Variants in TIAM2 observed in about 807,000 individuals in gnomAD.
The protein encoded by TIAM2 is rho guanine nucleotide exchange factor TIAM2.
TIAM2 carries 80 observed loss-of-function variants against 152.9 expected under a neutral mutation model. The observed-to-expected ratio is 0.52, with a 90% CI of 0.44 to 0.63. TIAM2 has a LOEUF of 0.63. TIAM2 is among the 30% of genes least tolerant of loss of function. TIAM2 has a pLI of 0.00. For missense variants in TIAM2, 1,965 were observed against 2,120.1 expected (o/e 0.93, Z 1.44); for synonymous variants, 804 against 838.0 (o/e 0.96, Z 0.70).
At chr6:155,207,520 C>G (rs188960315) in intron 14 of TIAM2, among the ~76,000 whole-genome samples, 1 of 152,222 alleles carries the variant, frequency 6.6e-6, no homozygotes, top group South Asian at 2.1e-4. Context: ...GATTTCCTGT[C>G]TTGGCGGATC....
chr6:155,064,448 TAATTGTG>T (rs747995018), intron 1 of TIAM2, among the ~76,000 whole-genome samples: 7 of 152,230 alleles, frequency 4.6e-5, no homozygotes, highest in Non-Finnish European at 8.8e-5. Context: ...GCCTATGCCT[TAATTGTG>T]AATTGTGAAT....
chr6:155,083,062 G>A (rs558467383), intron 1 of TIAM2, among the ~76,000 whole-genome samples: 39 of 152,104 alleles, frequency 2.6e-4, no homozygotes, highest in African/African-American at 8.9e-4. Flanking sequence ...AGAAGTAGAG[G>A]TGGGGCCGGG....
chr6:155,082,386 C>T (rs935995059), intron 1 of TIAM2, among the ~76,000 whole-genome samples: 2 of 151,870 alleles, frequency 1.3e-5, no homozygotes, highest in Non-Finnish European at 2.9e-5. Context: ...CACTGTGGCT[C>T]ACGCCTGTAA....
chr6:155,141,538 G>A (rs1382750576), intron 5 of TIAM2, among the ~76,000 whole-genome samples: 1 of 152,152 alleles, frequency 6.6e-6, no homozygotes, highest in African/African-American at 2.4e-5. Context: ...GAATGTATAG[G>A]TATATGAGGG....
intron 7 of TIAM2, among the ~76,000 whole-genome samples, chr6:155,154,478 T>G: frequency 6.6e-6 from 1 of 152,216 alleles, no homozygotes; most frequent in East Asian, 1.9e-4. Context: ...AGCTTTCATT[T>G]GAGCATGTCC....
Position 155,056,273 on chromosome 6 carries a change from G to A in TIAM2, c.-208-34016G>A, listed in dbSNP as rs551080286. Among the ~76,000 whole-genome samples, 642 of 148,308 alleles carry A rather than the reference G, an allele frequency of 4.3e-3. 10 individuals are homozygous for A. Among genetic ancestry groups the A allele is most frequent in the African/African-American group, 0.015 (597 of 39,778 alleles). ...TGCAACCTCCGCTTGCTGGGTTCAA[G>A]CGATTCTCCTGGCTCAGCCTCCCAA... On this transcript the variant is annotated intron_variant, in intron 1 of 26. Coordinates refer to ENST00000682666, the MANE Select transcript of TIAM2 (RefSeq NM_012454.4).
intron 14 of TIAM2, among the ~76,000 whole-genome samples, chr6:155,208,552 A>C (rs1322103279): frequency 6.6e-6 from 1 of 152,048 alleles, no homozygotes; most frequent in African/African-American, 2.4e-5. Context: ...TGCATGGCCC[A>C]CATGTGTCTC....
chr6:155,254,650 T>A, intron 26 of TIAM2, 77 bp downstream of exon 26: 1 of 1,531,166 alleles, frequency 6.5e-7, no homozygotes, highest in Non-Finnish European at 8.9e-7. Flanking sequence ...TCTTGTAACA[T>A]AGCTGTGACT....
At chr6:155,005,228 T>C (rs1778378820) in intron 1 of TIAM2, 2 of 228,046 alleles carry the variant, frequency 8.8e-6, no homozygotes, top group Admixed American at 8.2e-5. Flanking sequence ...CTTTCCACAA[T>C]AAAAATGAGG....
At chr6:155,008,597 T>C (rs1348452935) in intron 1 of TIAM2, among the ~76,000 whole-genome samples, 2 of 28,814 alleles carry the variant, frequency 6.9e-5, no homozygotes, top group African/African-American at 1.2e-4. Context: ...TGGAAATAAT[T>C]TTTTTTTTTT....
intron 1 of TIAM2, among the ~76,000 whole-genome samples, chr6:155,024,200 G>A (rs933892826): frequency 5.3e-5 from 8 of 152,144 alleles, no homozygotes; most frequent in South Asian, 2.1e-4. Context: ...TTACGGCCAC[G>A]TTTCTTTGGT....
At position 154,995,581 on chromosome 6, in the gene TIAM2, CG is replaced by C. The variant is rs1778198353; in HGVS notation, c.-209+91del. 6.6e-6 allele frequency: 1 copy of C among 151,976 alleles called. No individual in the cohort carries two copies. Among genetic ancestry groups the C allele is most frequent in the East Asian group, 1.9e-4 (1 of 5,136 alleles). The allele number at this position is 151,976 out of a possible 1,614,324, so 9.4% of individuals were successfully genotyped here. On this transcript the variant is annotated intron_variant, in intron 1 of 26. Coordinates refer to ENST00000682666, the MANE Select transcript of TIAM2 (RefSeq NM_012454.4). The surrounding 1 kb of genome is among the most constrained non-coding windows in gnomAD (Gnocchi z 5.2). ...GGTCCCCTGCGGGCGGGGCGGCGCGCGGCCGGCGGTCCCCTCCCTTCCCCTT... is the reference window on the plus strand; with the variant it reads ...GGTCCCCTGCGGGCGGGGCGGCGCGCGCCGGCGGTCCCCTCCCTTCCCCTT...
chr6:155,153,087 A>T (rs967635904), intron 7 of TIAM2, among the ~76,000 whole-genome samples: 1 of 152,276 alleles, frequency 6.6e-6, no homozygotes, highest in African/African-American at 2.4e-5. Context: ...TCCATTATCC[A>T]TTCTTTGACA....
In TIAM2 at chr6:155,254,057, G is replaced by A. The variant is rs376499203; in HGVS notation, c.4310G>A (p.Cys1437Tyr). The A allele has an allele frequency of 3.1e-6, 5 of 1,613,908 alleles. No individual in the cohort carries two copies. Among genetic ancestry groups the A allele is most frequent in the Non-Finnish European group, 4.2e-6 (5 of 1,179,826 alleles). The stretch of plus-strand genomic sequence containing the variant: ...CCAGAAACCATCTTTCAGTTGTGTT[G>A]CAGGTATGACTGACTTCCAAAGATT... ...GRPETIFQLCCSDSESKTNIV... is the reference protein window; with the variant it reads ...GRPETIFQLCYSDSESKTNIV... Residue 1437 changes from cysteine (C) to tyrosine (Y), a missense_variant, in exon 25 of 27, where the codon TGC (cysteine) becomes TAC (tyrosine). This residue lies in a region of TIAM2 where 935 missense variants were observed against 980.0 expected (regional missense o/e 0.95). Transcript: ENST00000682666.
At chr6:155,099,732 T>G (rs1328972668) in intron 2 of TIAM2, among the ~76,000 whole-genome samples, 2 of 152,224 alleles carry the variant, frequency 1.3e-5, no homozygotes, top group African/African-American at 4.8e-5. Flanking sequence ...TCTGAATCAG[T>G]TAATATGCAG....
chr6:155,109,613 C>G (rs1778787171), intron 2 of TIAM2, among the ~76,000 whole-genome samples: 1 of 152,208 alleles, frequency 6.6e-6, no homozygotes, highest in Non-Finnish European at 1.5e-5. Context: ...GCTTCAACAT[C>G]AGTGTCTCAG....
intron 2 of TIAM2, among the ~76,000 whole-genome samples, chr6:155,125,151 A>G (rs1349670266): frequency 6.6e-6 from 1 of 152,042 alleles, no homozygotes; most frequent in Non-Finnish European, 1.5e-5. Flanking sequence ...GGCACTTGTA[A>G]TCCCAGATGC....
chr6:155,101,317 C>G (rs1404020602), intron 2 of TIAM2, among the ~76,000 whole-genome samples: 1 of 152,126 alleles, frequency 6.6e-6, no homozygotes, highest in East Asian at 1.9e-4. Context: ...GTTCCTTCAG[C>G]CTACGTTATT....
At chr6:155,224,910 C>T (rs571520273) in intron 15 of TIAM2, among the ~76,000 whole-genome samples, 4 of 152,306 alleles carry the variant, frequency 2.6e-5, no homozygotes, top group Admixed American at 2.0e-4. Flanking sequence ...CTGCCATCTT[C>T]CTACCTTGCA....
Sources: allele counts gnomAD v4.1 joint callset (sites outside exome capture counted in the v4.1 genomes callset), GRCh38; gene constraint gnomAD v4.1.1; regional missense constraint gnomAD v4.1.1; non-coding constraint Gnocchi (gnomAD v3.1); transcripts MANE v1.5; gene names NCBI Gene and HGNC (gene_info 2026-07-23, HGNC 2026-07-21).